GRM5: variants seen among roughly 807,000 people sequenced by gnomAD.
The protein encoded by GRM5 is glutamate metabotropic receptor 5.
GRM5 carries 19 observed loss-of-function variants against 83.1 expected under a neutral mutation model. The observed-to-expected ratio is 0.23, with a 90% CI of 0.16 to 0.34. The LOEUF (loss-of-function observed/expected upper bound fraction) is 0.34. Ranked by LOEUF, GRM5 falls within the 10% of genes least tolerant of loss-of-function variation. The probability of loss-of-function intolerance (pLI) is 1.00; values close to 1 mark genes in which losing one functional copy is unlikely to be tolerated. For synonymous variants in GRM5, 675 were observed against 633.6 expected (o/e 1.07, Z -0.98); for missense variants, 1,160 against 1,588.3 (o/e 0.73, Z 4.58).
intron 6 of GRM5, among the ~76,000 whole-genome samples, chr11:88,591,839 G>C (rs1461737987): frequency 6.6e-6 from 1 of 152,178 alleles, no homozygotes; most frequent in Non-Finnish European, 1.5e-5. Context: ...CCTTAGACCT[G>C]ATTAAAGTAT....
chr11:88,837,945 C>T (rs1250637646), intron 3 of GRM5, among the ~76,000 whole-genome samples: 6 of 151,600 alleles, frequency 4.0e-5, no homozygotes, highest in Non-Finnish European at 8.8e-5. Context: ...ATTAGCCAGG[C>T]GTGGTGGCGG....
At chr11:88,648,622 G>A (rs1939533674) in intron 4 of GRM5, among the ~76,000 whole-genome samples, 1 of 125,970 alleles carries the variant, frequency 7.9e-6, no homozygotes, top group South Asian at 3.0e-4. Context: ...CCTGCACAAT[G>A]TGCACATGTA....
intron 3 of GRM5, among the ~76,000 whole-genome samples, chr11:88,687,306 C>G (rs939512835): frequency 7.0e-6 from 1 of 142,706 alleles, no homozygotes; most frequent in African/African-American, 2.5e-5. Flanking sequence ...AACCCTGTCT[C>G]TACTAAAAAA....
At chr11:88,564,467 T>G (rs533455591) in intron 8 of GRM5, among the ~76,000 whole-genome samples, 1 of 152,324 alleles carries the variant, frequency 6.6e-6, no homozygotes, top group Non-Finnish European at 1.5e-5. Context: ...ACTTTATAAC[T>G]ATAGTAAAGC....
At chr11:88,863,041 G>A (rs1944594242) in intron 2 of GRM5, among the ~76,000 whole-genome samples, 1 of 152,126 alleles carries the variant, frequency 6.6e-6, no homozygotes, top group Non-Finnish European at 1.5e-5. Flanking sequence ...TTAGAGAAAT[G>A]CAAATCAAAA....
intron 2 of GRM5, among the ~76,000 whole-genome samples, chr11:88,999,663 T>C (rs989797197): frequency 3.9e-5 from 6 of 152,214 alleles, no homozygotes; most frequent in African/African-American, 1.4e-4. Context: ...GTTCAACCAT[T>C]GTGGAAGTCA....
chr11:88,909,640 T>A (rs974913098), intron 2 of GRM5, among the ~76,000 whole-genome samples: 8 of 151,978 alleles, frequency 5.3e-5, no homozygotes, highest in African/African-American at 1.9e-4. Context: ...TATTTCTATG[T>A]TTGCTTGTTG....
At chr11:88,966,503 G>A (rs1321677213) in intron 2 of GRM5, among the ~76,000 whole-genome samples, 1 of 152,026 alleles carries the variant, frequency 6.6e-6, no homozygotes, top group African/African-American at 2.4e-5. Context: ...TTGAATAAGG[G>A]ACATCATTAC....
At chr11:88,726,974 G>T (rs921033758) in intron 3 of GRM5, among the ~76,000 whole-genome samples, 16 of 152,168 alleles carry the variant, frequency 1.1e-4, no homozygotes, top group African/African-American at 3.9e-4. Flanking sequence ...TGAAGAAACT[G>T]CATCAACGAA....
intron 3 of GRM5, among the ~76,000 whole-genome samples, chr11:88,671,193 C>A (rs1235187896): frequency 6.6e-6 from 1 of 151,792 alleles, no homozygotes; most frequent in African/African-American, 2.4e-5. Context: ...ACATGCTAGA[C>A]CCTAGATAAC....
chr11:88,948,477 A>T (rs1938350636), intron 2 of GRM5, among the ~76,000 whole-genome samples: 2 of 152,330 alleles, frequency 1.3e-5, no homozygotes, highest in East Asian at 3.9e-4. Context: ...AAATGGTCAC[A>T]TTATATCCTT....
chr11:88,595,982 T>G (rs1287974361), intron 6 of GRM5, among the ~76,000 whole-genome samples: 1 of 151,680 alleles, frequency 6.6e-6, no homozygotes, highest in Non-Finnish European at 1.5e-5. Context: ...AATTCCTAAA[T>G]CTGTATTCTT....
intron 8 of GRM5, among the ~76,000 whole-genome samples, chr11:88,551,385 T>C (rs1942502814): frequency 6.6e-6 from 1 of 152,182 alleles, no homozygotes; most frequent in Admixed American, 6.5e-5. Flanking sequence ...TCTTTTCTCA[T>C]CTACCTCCCA....
chr11:89,053,190 C>T (rs1419577230), intron 1 of GRM5, among the ~76,000 whole-genome samples: 1 of 152,006 alleles, frequency 6.6e-6, no homozygotes, highest in Admixed American at 6.6e-5. Context: ...CTCATAGAGA[C>T]ACAGAAGGTA....
intron 3 of GRM5, among the ~76,000 whole-genome samples, chr11:88,667,765 C>A (rs949132712): frequency 9.9e-5 from 15 of 151,882 alleles, no homozygotes; most frequent in African/African-American, 3.1e-4. Context: ...TGGTGGCAGG[C>A]GCCTGTAGTC....
At chr11:88,879,604 TATA>T (rs1460359472) in intron 2 of GRM5, among the ~76,000 whole-genome samples, 9 of 152,088 alleles carry the variant, frequency 5.9e-5, no homozygotes, top group African/African-American at 2.2e-4. Context: ...TTCTTTATTT[TATA>T]ATGTCAGCCA....
intron 3 of GRM5, among the ~76,000 whole-genome samples, chr11:88,759,314 G>C (rs1362289684): frequency 1.3e-5 from 2 of 152,038 alleles, no homozygotes; most frequent in Non-Finnish European, 2.9e-5. Context: ...CCAATGTACG[G>C]TCTCTTCAGG....
chr11:88,613,903 G>A (rs1938397066), intron 4 of GRM5, among the ~76,000 whole-genome samples: 1 of 152,106 alleles, frequency 6.6e-6, no homozygotes, highest in Admixed American at 6.6e-5. Flanking sequence ...GGGGAGCAGA[G>A]TTTGAAACAT....
Position 88,567,268 on chromosome 11 carries a change from C to T in GRM5, c.2415G>A (p.Ser805=), listed in dbSNP as rs200687104. ...SNYKIITMCF[S]VSLSATVALG... ...GGGCCACTGTGGCACTGAGGCTGAC[C>T]GAGAAACACATGGTGATGATTTTGT... The change falls in exon 8 of 10, where the codon TCG becomes TCA. Residue 805 remains serine, a synonymous_variant. Transcript: ENST00000305447. This position sits in a 1 kb window ranked among gnomAD's most constrained non-coding sequence, Gnocchi z 7.3. 65 of 1,613,770 alleles carry T rather than the reference C, an allele frequency of 4.0e-5. No individual in the cohort carries two copies. In the East Asian group the frequency reaches 1.0e-3, roughly 25 times the overall value.
Sources: gnomAD v4.1 joint callset for allele counts (sites outside exome capture counted in the v4.1 genomes callset) on GRCh38, gnomAD v4.1.1 for gene constraint, Gnocchi (gnomAD v3.1) non-coding constraint, MANE v1.5 for transcripts, NCBI Gene and HGNC (gene_info 2026-07-23, HGNC 2026-07-21) for gene names.